TOX4: variants seen among roughly 807,000 people sequenced by gnomAD.
TOX4 encodes the protein epidermal Langerhans cell protein LCP1.
A neutral mutation model predicts 61.0 loss-of-function variants in TOX4; 12 were observed. The observed-to-expected ratio is 0.20, with a 90% CI of 0.13 to 0.32. The LOEUF (loss-of-function observed/expected upper bound fraction) is 0.32. Ranked by LOEUF, TOX4 falls within the 10% of genes least tolerant of loss-of-function variation. The probability of loss-of-function intolerance (pLI) is 1.00; values close to 1 mark genes in which losing one functional copy is unlikely to be tolerated. For missense variants in TOX4, 499 were observed against 753.3 expected (o/e 0.66, Z 3.95); for synonymous variants, 268 against 274.8 (o/e 0.98, Z 0.24).
chr14:21,489,531 A>C, intron 5 of TOX4, 128 bp downstream of exon 5: 22 of 833,752 alleles, frequency 2.6e-5, no homozygotes, highest in African/African-American at 5.2e-5. Context: ...CTTAAATATC[A>C]TCCCTTGTCT....
Position 21,477,220 on chromosome 14 carries a change from G to C in TOX4, c.-59G>C, listed in dbSNP as rs568867320. On this transcript the variant is annotated 5_prime_UTR_variant, in exon 1 of 9. Transcript: ENST00000448790. ...CTTGCGGAAGTGACGGCAGTTCCGA[G>C]TCCAGTGGGGGCGGTGGGAGCGATG... is the stretch of plus-strand genomic sequence containing the variant. The C allele has an allele frequency of 4.3e-6, 7 of 1,614,084 alleles. 1 individual carries two copies. In the Admixed American group the frequency reaches 1.2e-4, roughly 27 times the overall value.
chr14:21,493,286 T>C (rs1247947789), intron 7 of TOX4, 29 bp downstream of exon 7: 2 of 1,565,764 alleles, frequency 1.3e-6, no homozygotes, highest in Non-Finnish European at 1.7e-6. Context: ...GTCTTTAGTC[T>C]AGTGGAAATG....
chr14:21,498,297 C>T lies in TOX4; in HGVS notation c.*1691C>T. ...GTTTAGAGATGATACCATCTGGGTACCTTTGCTTGAACCGTGCAACCACAT... is the reference window on the plus strand; with the variant it reads ...GTTTAGAGATGATACCATCTGGGTATCTTTGCTTGAACCGTGCAACCACAT... On this transcript the variant is annotated 3_prime_UTR_variant, in exon 9 of 9. Transcript: ENST00000448790. 6.2e-7 allele frequency: 1 copy of T among 1,613,540 alleles called. No homozygotes were observed. Among genetic ancestry groups the T allele is most frequent in the Non-Finnish European group, 8.5e-7 (1 of 1,179,460 alleles).
chr14:21,489,757 A>G (rs1891253318), intron 5 of TOX4, among the ~76,000 whole-genome samples: 1 of 151,792 alleles, frequency 6.6e-6, no homozygotes, highest in Non-Finnish European at 1.5e-5. Context: ...TTGTTTTTGT[A>G]TTTTTAGTAG....
At chr14:21,492,057 A>AT (rs2139628976) in intron 5 of TOX4, 1 of 361,178 alleles carries the variant, frequency 2.8e-6, no homozygotes, top group East Asian at 4.6e-5. Flanking sequence ...AATAAAATAA[A>AT]TGTAGCTATT....
chr14:21,493,068 A>G lies in TOX4; in HGVS notation c.1452A>G (p.Leu484=). ...CACCTCAGAAAGTTCGAATCAATTT[A>G]CAGCAACAGCCTCCTCCTCTGCAGA... is the stretch of plus-strand genomic sequence containing the variant. ...QPPPQKVRIN[L]QQQPPPLQIK... is the part of the protein sequence containing the mutation. Residue 484 remains leucine (L), a synonymous_variant, in exon 7 of 9, where the codon TTA becomes TTG. Transcript: ENST00000448790. 1 of 1,614,136 alleles carries G rather than the reference A, an allele frequency of 6.2e-7. No homozygotes were observed. Among genetic ancestry groups the G allele is most frequent in the Non-Finnish European group, 8.5e-7 (1 of 1,180,012 alleles).
chr14:21,495,041 G>T (rs1267955959), intron 7 of TOX4, among the ~76,000 whole-genome samples, 188 bp from the exon 8 acceptor site: 1 of 152,100 alleles, frequency 6.6e-6, no homozygotes, highest in Non-Finnish European at 1.5e-5. Context: ...CCACCATTCT[G>T]CTTGGCAAAG....
chr14:21,477,525 G>C lies in TOX4; in HGVS notation c.36G>C (p.Thr12=). 6.2e-7 allele frequency: 1 copy of C among 1,613,664 alleles called. No individual in the cohort carries two copies. Among genetic ancestry groups the C allele is most frequent in the Non-Finnish European group, 8.5e-7 (1 of 1,180,038 alleles). Residue 12 remains threonine (T), a synonymous_variant, in exon 2 of 9, where the codon ACG becomes ACC. Coordinates refer to ENST00000448790, the MANE Select transcript of TOX4 (RefSeq NM_014828.4). ...EFPGGNDNYL[T]ITGPSHPFLS... is the part of the protein sequence containing the mutation. The stretch of plus-strand genomic sequence containing the variant: ...CCGGAGGAAATGACAATTACCTGAC[G>C]ATCACAGGGCCTTCGCACCCCTTCC...
In TOX4 at chr14:21,493,115, C is replaced by T; in HGVS notation, c.1499C>T (p.Thr500Ile). The change falls in exon 7 of 9, where the codon ACT becomes ATT. Residue 500 changes from threonine to isoleucine, a missense_variant. By Grantham distance (89) the Thr-to-Ile change is moderately conservative. Around this residue, in one of 7 missense-constraint regions of TOX4, gnomAD observed 296 missense variants for 404.7 expected, o/e 0.73. Transcript: ENST00000448790. ...PLQIKSVPLPTLKMQTTLVPP... is the reference protein window; with the variant it reads ...PLQIKSVPLPILKMQTTLVPP... ...CAGATCAAGAGTGTGCCTCTACCCA[C>T]TTTGAAAATGCAGACTACCTTAGTC... is the stretch of plus-strand genomic sequence containing the variant. 1 of 1,613,710 alleles carries T rather than the reference C, an allele frequency of 6.2e-7. No homozygotes were observed. Among genetic ancestry groups the T allele is most frequent in the Non-Finnish European group, 8.5e-7 (1 of 1,180,012 alleles).
chr14:21,479,937 C>G (rs1891080488), intron 2 of TOX4, among the ~76,000 whole-genome samples: 1 of 152,114 alleles, frequency 6.6e-6, no homozygotes, highest in Non-Finnish European at 1.5e-5. Flanking sequence ...ATTCTCTACC[C>G]CATTTATGAA....
intron 7 of TOX4, 76 bp downstream of exon 7, chr14:21,493,333 G>T: frequency 6.7e-7 from 1 of 1,487,222 alleles, no homozygotes; most frequent in South Asian, 1.4e-5. Context: ...TAACAGTGGG[G>T]GTTGCTACTA....
chr14:21,477,584 G>A lies in TOX4; in HGVS notation c.75+20G>A. The A allele has an allele frequency of 6.2e-7, 1 of 1,612,920 alleles. No individual in the cohort carries two copies. Among genetic ancestry groups the A allele is most frequent in the African/African-American group, 1.3e-5 (1 of 75,024 alleles). ...GCCGAGGTGAGCCAGAGCTGCCGAC[G>A]CCGCGGGGGTAGGGCCTGAGGCAGC... On this transcript the variant is annotated intron_variant, in intron 2 of 8. Transcript: ENST00000448790.
chr14:21,481,242 G>A (rs1024719052), intron 2 of TOX4, among the ~76,000 whole-genome samples: 2 of 152,024 alleles, frequency 1.3e-5, no homozygotes, highest in Admixed American at 1.3e-4. Flanking sequence ...GCAGTGGTGC[G>A]GTCTCGACTC....
intron 5 of TOX4, among the ~76,000 whole-genome samples, chr14:21,490,924 C>T (rs1160368365): frequency 6.6e-6 from 1 of 152,214 alleles, no homozygotes; most frequent in Non-Finnish European, 1.5e-5. Context: ...CTCCTGGGTT[C>T]AAGTGATTCT....
intron 4 of TOX4, among the ~76,000 whole-genome samples, 159 bp from the exon 5 acceptor site, chr14:21,489,014 C>T (rs1283828696): frequency 2.0e-5 from 3 of 152,220 alleles, no homozygotes; most frequent in African/African-American, 4.8e-5. Flanking sequence ...ATTCTCCTCT[C>T]AATCCCTATT....
chr14:21,496,424 G>A lies in TOX4; in HGVS notation c.1806-122G>A, dbSNP rs1161192954. The A allele has an allele frequency of 3.8e-6, 3 of 796,034 alleles. No homozygotes were observed. In the African/African-American group the frequency reaches 5.3e-5, roughly 14 times the overall value. 49.3% of individuals were successfully genotyped at this position (796,034 alleles called of 1,614,324 possible). On this transcript the variant is annotated intron_variant, in intron 8 of 8. Transcript: ENST00000448790. Reference sequence around the variant, plus strand: ...CACCTGTAGTCCCAGCTACTCGGGAGGCTAAGGCAGGAGAATGGCGTGAAC... The same window carrying A: ...CACCTGTAGTCCCAGCTACTCGGGAAGCTAAGGCAGGAGAATGGCGTGAAC...
chr14:21,493,267 TGTTTTTAA>T lies in TOX4; in HGVS notation c.1641+13_1641+20del, dbSNP rs757842861. On this transcript the variant is annotated intron_variant, in intron 7 of 8. Transcript: ENST00000448790. Reference sequence around the variant, plus strand: ...AGATGTAGTTCCTGAGGTGAGCCTTTGTTTTTAAGTCTTTAGTCTAGTGGAAATGTATA... The same window carrying T: ...AGATGTAGTTCCTGAGGTGAGCCTTTGTCTTTAGTCTAGTGGAAATGTATA... 3.1e-6 allele frequency: 5 copies of T among 1,591,340 alleles called. No homozygotes were observed. Among genetic ancestry groups the T allele is most frequent in the Non-Finnish European group, 4.3e-6 (5 of 1,170,172 alleles).
At position 21,477,301 on chromosome 14, in the gene TOX4, T is replaced by C. The variant is rs1378520700; in HGVS notation, c.6+17T>C. 3 of 1,613,742 alleles carry C rather than the reference T, an allele frequency of 1.9e-6. No individual in the cohort carries two copies. Among genetic ancestry groups the C allele is most frequent in the Admixed American group, 1.7e-5 (1 of 59,986 alleles). ...AAGATGGAGGTAGGAACCTGATAGC[T>C]AAGAAGGCTGGCGAGAGAACGCGGC... On this transcript the variant is annotated intron_variant, in intron 1 of 8. Coordinates refer to ENST00000448790, the MANE Select transcript of TOX4 (RefSeq NM_014828.4).
chr14:21,477,677 A>G lies in TOX4; in HGVS notation c.75+113A>G, dbSNP rs141218414. The G allele has an allele frequency of 4.4e-3, 5,283 of 1,204,580 alleles. 34 individuals are homozygous for G. The highest frequency in any genetic ancestry group is 4.5e-3 in the Non-Finnish European group (3,764 of 842,126). 74.6% of individuals were successfully genotyped at this position (1,204,580 alleles called of 1,614,324 possible). ...CGGGGGCTGGGAACCAAGGGCCGCA[A>G]TTGGTGTTTAGAGAAAAGTGGCGGT... On this transcript the variant is annotated intron_variant, in intron 2 of 8. Transcript: ENST00000448790.
Sources: gnomAD v4.1 joint callset for allele counts (sites outside exome capture counted in the v4.1 genomes callset) on GRCh38, gnomAD v4.1.1 for gene constraint, gnomAD v4.1.1 regional missense constraint, MANE v1.5 for transcripts, NCBI Gene and HGNC (gene_info 2026-07-23, HGNC 2026-07-21) for gene names.